The following RGS6 variants were observed in gnomAD, a reference collection of about 807,000 sequenced individuals.
RGS6 encodes regulator of G-protein signaling 6.
A neutral mutation model predicts 78.5 loss-of-function variants in RGS6; 30 were observed. The ratio of observed to expected loss-of-function variants is 0.38; its 90% CI spans 0.29 to 0.52. The LOEUF is 0.52. Among genes scored for constraint, RGS6 ranks in the 20% least tolerant of loss-of-function variants. The pLI is 0.85. For missense variants in RGS6, 495 were observed against 609.7 expected, an observed-to-expected ratio of 0.81 and a Z score of 1.98; for synonymous variants, 206 against 206.0, an observed-to-expected ratio of 1.00 and a Z score of 0.00.
chr14:72,066,811 T>G (rs534439141), intron 2 of RGS6, among the ~76,000 whole-genome samples: 55 of 151,664 alleles, frequency 3.6e-4, no homozygotes, highest in Middle Eastern at 3.4e-3. Context: ...AGAGGCAATT[T>G]TTTTTTTTTT....
At chr14:72,136,981 T>A (rs1245940315) in intron 2 of RGS6, among the ~76,000 whole-genome samples, 3 of 152,196 alleles carry the variant, frequency 2.0e-5, no homozygotes, top group African/African-American at 7.2e-5. Flanking sequence ...CTTAGACTGT[T>A]ACTTCTCATG....
At chr14:72,474,851 C>T in intron 10 of RGS6, 152 bp downstream of exon 10, 4 of 707,678 alleles carry the variant, frequency 5.7e-6, no homozygotes, top group South Asian at 1.9e-5. Flanking sequence ...GCAGCTGATG[C>T]ATGCTTGGCG....
chr14:72,506,127 C>G (rs896477436), intron 13 of RGS6, among the ~76,000 whole-genome samples: 2 of 152,144 alleles, frequency 1.3e-5, no homozygotes, highest in Non-Finnish European at 2.9e-5. Context: ...TCACTATACA[C>G]ATTTCTAAAC....
rs186640625 is a variant in RGS6 at position 72,162,058 on chromosome 14, T to C, written c.85-190037T>C. Among the ~76,000 whole-genome samples, 1,009 of 152,340 alleles carry C rather than the reference T, an allele frequency of 6.6e-3. 32 individuals are homozygous for C. The highest frequency in any genetic ancestry group is 0.059 in the Admixed American group (900 of 15,304). On this transcript the variant is annotated intron_variant, in intron 2 of 17. Coordinates refer to ENST00000553525, the MANE Select transcript of RGS6 (RefSeq NM_001204424.2). ...GAATTCTGCTATGAAATTTAAGTGA[T>C]GTGAATTCTTTCTCAAAATTCCAAG...
chr14:71,881,399 C>T, the RGS6 span, among the ~76,000 whole-genome samples: 1 of 152,152 alleles, frequency 6.6e-6, no homozygotes, highest in Admixed American at 6.5e-5. Flanking sequence ...TATGGTTTGG[C>T]TGTGTCCCCA....
At chr14:71,903,726 G>A in the RGS6 span, among the ~76,000 whole-genome samples, 3 of 152,120 alleles carry the variant, frequency 2.0e-5, no homozygotes, top group African/African-American at 4.8e-5. Context: ...TTAGCATGAT[G>A]GTATGACTTC....
intron 3 of RGS6, among the ~76,000 whole-genome samples, chr14:72,357,058 G>C (rs1251053799): frequency 2.0e-5 from 3 of 152,066 alleles, no homozygotes; most frequent in Non-Finnish European, 4.4e-5. Context: ...ATCATTTGAG[G>C]TCGGGAGTTC....
At chr14:72,548,672 T>G (rs542036936) in intron 17 of RGS6, among the ~76,000 whole-genome samples, 61 of 152,302 alleles carry the variant, frequency 4.0e-4, no homozygotes, top group African/African-American at 1.4e-3. Flanking sequence ...AAAGTGACCC[T>G]GGAAGCCACG....
intron 3 of RGS6, among the ~76,000 whole-genome samples, chr14:72,450,912 G>A (rs929765919): frequency 2.6e-5 from 4 of 152,312 alleles, no homozygotes; most frequent in East Asian, 3.9e-4. Context: ...TTTAAAGGAC[G>A]CGATATTATG....
chr14:72,491,684 T>A (rs759272630), intron 12 of RGS6, among the ~76,000 whole-genome samples: 1 of 152,158 alleles, frequency 6.6e-6, no homozygotes, highest in South Asian at 2.1e-4. Flanking sequence ...GCCTGAAATA[T>A]TTCAAAATTT....
At chr14:72,116,740 G>C (rs2095896062) in intron 2 of RGS6, among the ~76,000 whole-genome samples, 1 of 151,990 alleles carries the variant, frequency 6.6e-6, no homozygotes, top group African/African-American at 2.4e-5. Flanking sequence ...GAGGCAGGCA[G>C]ATCACTTGAG....
intron 3 of RGS6, among the ~76,000 whole-genome samples, chr14:72,384,364 G>A (rs1267340299): frequency 1.3e-5 from 2 of 152,190 alleles, no homozygotes; most frequent in African/African-American, 4.8e-5. Context: ...GTCCACACAT[G>A]AGAATAGTTA....
intron 2 of RGS6, among the ~76,000 whole-genome samples, chr14:72,316,011 A>G (rs1368410359): frequency 2.0e-5 from 3 of 152,202 alleles, no homozygotes; most frequent in Non-Finnish European, 1.5e-5. Context: ...AACCATGCAT[A>G]GGCAGAATTC....
At chr14:72,179,149 G>A (rs1024300955) in intron 2 of RGS6, among the ~76,000 whole-genome samples, 2 of 152,174 alleles carry the variant, frequency 1.3e-5, no homozygotes, top group Non-Finnish European at 2.9e-5. Context: ...GTGAGCCCCC[G>A]CATTGGAACA....
chr14:72,415,601 A>G (rs1015001903), intron 3 of RGS6, among the ~76,000 whole-genome samples: 1 of 152,312 alleles, frequency 6.6e-6, no homozygotes, highest in South Asian at 2.1e-4. Flanking sequence ...TCAGTTGGAA[A>G]TGCACAAATC....
intron 2 of RGS6, among the ~76,000 whole-genome samples, chr14:72,249,716 T>A (rs1443651389): frequency 2.6e-5 from 4 of 152,182 alleles, no homozygotes; most frequent in South Asian, 2.1e-4. Context: ...CTAAAGCTGA[T>A]GTGTTGATTC....
At chr14:72,079,682 T>G (rs1188577006) in intron 2 of RGS6, among the ~76,000 whole-genome samples, 2 of 152,134 alleles carry the variant, frequency 1.3e-5, no homozygotes, top group African/African-American at 4.8e-5. Flanking sequence ...TTACCCAACA[T>G]CTCCTCAGTC....
chr14:72,408,277 C>A (rs1263112368), intron 3 of RGS6, among the ~76,000 whole-genome samples: 2 of 152,136 alleles, frequency 1.3e-5, no homozygotes, highest in Non-Finnish European at 2.9e-5. Flanking sequence ...AGATGACTTG[C>A]AAATTCTACT....
At chr14:72,330,396 A>G (rs114913517) in intron 2 of RGS6, among the ~76,000 whole-genome samples, 2,729 of 152,300 alleles carry the variant, frequency 0.018, 87 homozygotes, top group African/African-American at 0.061. Context: ...CCCTTCAGCT[A>G]TTAGCAGTGA....
Sources: allele counts gnomAD v4.1 joint callset (sites outside exome capture counted in the v4.1 genomes callset), GRCh38; gene constraint gnomAD v4.1.1; transcripts MANE v1.5; gene names NCBI Gene and HGNC (gene_info 2026-07-23, HGNC 2026-07-21).